Variants in RFX7 observed in about 807,000 individuals in gnomAD.
The protein encoded by RFX7 is regulatory factor X7, also known as DNA-binding protein RFX7.
In RFX7, 26 loss-of-function variants were observed where a neutral mutation model predicts 111.8. That is an observed-to-expected ratio of 0.23 (90% CI 0.17 to 0.32). The LOEUF (loss-of-function observed/expected upper bound fraction) is 0.32, where lower values mean the gene tolerates loss of function less well. RFX7 is among the 10% of genes least tolerant of loss of function. The pLI, the probability that RFX7 is intolerant of heterozygous loss-of-function variation, is 1.00. For synonymous variants in RFX7, 624 were observed against 624.4 expected, an observed-to-expected ratio of 1.00 and a Z score of 0.01; for missense variants, 1,573 against 1,772.9, an observed-to-expected ratio of 0.89 and a Z score of 2.02.
intron 2 of RFX7, among the ~76,000 whole-genome samples, chr15:56,203,261 C>A (rs2043212845): frequency 6.6e-6 from 1 of 152,052 alleles, no homozygotes; most frequent in African/African-American, 2.4e-5. Flanking sequence ...TGACATATTG[C>A]CCGTATTCTA....
At chr15:56,178,208 C>A (rs1005804192) in intron 3 of RFX7, among the ~76,000 whole-genome samples, 1 of 116,004 alleles carries the variant, frequency 8.6e-6, no homozygotes, top group Non-Finnish European at 1.9e-5. Context: ...CACACACACA[C>A]ACAACAAAAA....
rs2140501540 is a variant in RFX7, at chr15:56,088,779, G to A, written c.*4566C>T. The A allele has an allele frequency of 6.6e-6, 1 of 152,270 alleles. No individual in the cohort carries two copies. Among genetic ancestry groups the A allele is most frequent in the African/African-American group, 2.4e-5 (1 of 41,548 alleles). The allele number at this position is 152,270 out of a possible 1,614,324, so 9.4% of individuals were successfully genotyped here. A position where few individuals can be genotyped will look rare whatever the true frequency, so the allele number is the denominator to read the frequency against. ...GCATTTGTGATACTCAATAATACCT[G>A]ATTTTTCAGCTCATAGGGGGAAGGC... On this transcript the variant is annotated 3_prime_UTR_variant, in exon 10 of 10. Coordinates refer to ENST00000559447, the MANE Select transcript of RFX7 (RefSeq NM_022841.7).
intron 2 of RFX7, among the ~76,000 whole-genome samples, chr15:56,180,024 T>G (rs2042951545): frequency 6.6e-6 from 1 of 152,182 alleles, no homozygotes; most frequent in Non-Finnish European, 1.5e-5. Context: ...TCCTTTGGAT[T>G]TTGTTGTAAC....
intron 2 of RFX7, among the ~76,000 whole-genome samples, chr15:56,193,898 A>T (rs1467943587): frequency 1.8e-4 from 27 of 152,288 alleles, no homozygotes; most frequent in East Asian, 5.8e-4. Context: ...TTTAAAAATT[A>T]AAAAAACTTA....
intron 2 of RFX7, among the ~76,000 whole-genome samples, chr15:56,225,320 T>C (rs1871308547): frequency 6.6e-6 from 1 of 152,124 alleles, no homozygotes; most frequent in African/African-American, 2.4e-5. Context: ...CAATTTCTTA[T>C]AAAACCGGAT....
At chr15:56,115,071 C>T (rs1330995169) in intron 5 of RFX7, among the ~76,000 whole-genome samples, 7 of 152,084 alleles carry the variant, frequency 4.6e-5, no homozygotes, top group Admixed American at 2.6e-4. Flanking sequence ...AGTGCAATGG[C>T]GTGATTTCTG....
At chr15:56,138,569 A>T (rs1203126379) in intron 5 of RFX7, among the ~76,000 whole-genome samples, 1 of 151,380 alleles carries the variant, frequency 6.6e-6, no homozygotes, top group African/African-American at 2.4e-5. Context: ...CTCTTTATCC[A>T]ATTTGCCAGT....
intron 2 of RFX7, among the ~76,000 whole-genome samples, chr15:56,231,101 G>A (rs1389826193): frequency 6.6e-6 from 1 of 152,202 alleles, no homozygotes; most frequent in Non-Finnish European, 1.5e-5. Flanking sequence ...AGATGCCTGA[G>A]GGACTGAAGT....
chr15:56,227,618 A>C (rs1220392335), intron 2 of RFX7, among the ~76,000 whole-genome samples: 1 of 152,168 alleles, frequency 6.6e-6, no homozygotes, highest in Non-Finnish European at 1.5e-5. Flanking sequence ...CTTCACGATT[A>C]GCGCAAGTAC....
intron 2 of RFX7, among the ~76,000 whole-genome samples, chr15:56,239,556 C>T (rs916218647): frequency 4.6e-5 from 7 of 152,050 alleles, no homozygotes; most frequent in Admixed American, 6.5e-5. Flanking sequence ...TGTGAGCCAC[C>T]GCGCCTGGCC....
At chr15:56,159,725 G>C (rs1307942948) in intron 3 of RFX7, among the ~76,000 whole-genome samples, 2 of 152,132 alleles carry the variant, frequency 1.3e-5, no homozygotes, top group African/African-American at 2.4e-5. Context: ...CGGTGTTCCT[G>C]TTTGCTCCGG....
chr15:56,127,225 C>T (rs1474369698), intron 5 of RFX7, among the ~76,000 whole-genome samples: 1 of 151,708 alleles, frequency 6.6e-6, no homozygotes, highest in African/African-American at 2.4e-5. Flanking sequence ...TAAATTCCTA[C>T]ATAATCAATG....
intron 3 of RFX7, among the ~76,000 whole-genome samples, chr15:56,153,774 T>C (rs1281156391): frequency 1.3e-5 from 2 of 152,124 alleles, no homozygotes; most frequent in African/African-American, 4.8e-5. Flanking sequence ...TTCAACATAA[T>C]ATTGGAAGTT....
At chr15:56,193,362 T>G (rs2043118104) in intron 2 of RFX7, 1 of 152,178 alleles carries the variant, frequency 6.6e-6, no homozygotes, top group Non-Finnish European at 1.5e-5. Context: ...CATTTTCTAT[T>G]TTTGAATAAA....
At chr15:56,224,679 A>T (rs2043463129) in intron 2 of RFX7, among the ~76,000 whole-genome samples, 1 of 152,116 alleles carries the variant, frequency 6.6e-6, no homozygotes, top group Non-Finnish European at 1.5e-5. Flanking sequence ...AAGTGAAAAA[A>T]ACACCTAAGT....
At chr15:56,160,316 T>C (rs1200274026) in intron 3 of RFX7, among the ~76,000 whole-genome samples, 2 of 152,076 alleles carry the variant, frequency 1.3e-5, no homozygotes, top group African/African-American at 4.8e-5. Context: ...AATTAGTCCA[T>C]GAAACTTTTC....
intron 2 of RFX7, among the ~76,000 whole-genome samples, chr15:56,201,740 AAAAAC>A (rs1463498346): frequency 5.5e-4 from 84 of 152,096 alleles, no homozygotes; most frequent in African/African-American, 1.8e-3. Flanking sequence ...CAAAAGTTTA[AAAAAC>A]ACTGGCCGGG....
chr15:56,223,569 A>C lies in RFX7; in HGVS notation c.161+19556T>G, dbSNP rs80252883. ...AAGTTTAACACCCATTACCCCATTA[A>C]GGCTGGTCCTGGAAGTTAAAATGTA... is the stretch of plus-strand genomic sequence containing the variant. On this transcript the variant is annotated intron_variant, in intron 2 of 9. Transcript: ENST00000559447. Among the ~76,000 whole-genome samples, 801 of 152,324 alleles carry C rather than the reference A, an allele frequency of 5.3e-3. 5 individuals carry two copies. Among genetic ancestry groups the C allele is most frequent in the African/African-American group, 0.018 (765 of 41,574 alleles).
chr15:56,165,637 T>A (rs2042773524), intron 3 of RFX7, among the ~76,000 whole-genome samples: 1 of 152,062 alleles, frequency 6.6e-6, no homozygotes, highest in Non-Finnish European at 1.5e-5. Flanking sequence ...ACCAGGTGAG[T>A]TTACTTGGCC....
Sources: allele counts gnomAD v4.1 joint callset (sites outside exome capture counted in the v4.1 genomes callset), GRCh38; gene constraint gnomAD v4.1.1; transcripts MANE v1.5; gene names NCBI Gene and HGNC (gene_info 2026-07-23, HGNC 2026-07-21).